ERICH3: variants seen among roughly 807,000 people sequenced by gnomAD.
ERICH3 encodes glutamate-rich protein 3.
Under a neutral mutation model 131.1 loss-of-function variants are expected in ERICH3, and 126 were observed. The ratio of observed to expected loss-of-function variants is 0.96; its 90% CI spans 0.83 to 1.11. ERICH3 has a LOEUF of 1.11. ERICH3 is among the 50% of genes most tolerant of loss of function. ERICH3 has a pLI of 0.00. For synonymous variants in ERICH3, 695 were observed against 644.6 expected (o/e 1.08, Z -1.18); for missense variants, 2,050 against 1,810.7 (o/e 1.13, Z -2.40).
In ERICH3 at chr1:74,599,760, G is replaced by T. The variant is rs1272013387; in HGVS notation, c.1661C>A (p.Ala554Asp). ...SETSSQKAPD[A>D]RDNVKDENDG... is the part of the protein sequence containing the mutation. ...ATTCTCATCTTTCACATTGTCACGG[G>T]CATCTGGTGCCTTCTGTGATGAGGT... The change falls in exon 11 of 15, where the codon GCC becomes GAC. Residue 554 changes from alanine to aspartate, a missense_variant. Transcript: ENST00000326665. The T allele has an allele frequency of 1.2e-6, 2 of 1,612,248 alleles. No homozygotes were observed. Among genetic ancestry groups the T allele is most frequent in the Non-Finnish European group, 1.7e-6 (2 of 1,178,924 alleles).
At chr1:74,591,428 G>A (rs1446200378) in intron 11 of ERICH3, among the ~76,000 whole-genome samples, 1 of 152,156 alleles carries the variant, frequency 6.6e-6, no homozygotes, top group African/African-American at 2.4e-5. Flanking sequence ...TCAGACATTA[G>A]CTATGGGCCA....
In ERICH3 at chr1:74,599,725, A is replaced by G; in HGVS notation, c.1696T>C (p.Ser566Pro). 1 of 1,611,706 alleles carries G rather than the reference A, an allele frequency of 6.2e-7. No homozygotes were observed. The highest frequency in any genetic ancestry group is 8.5e-7 in the Non-Finnish European group (1 of 1,178,706). ...TTATCCTCTTCCAGTTCACTCTCAG[A>G]GCATCCATCATTCTCATCTTTCACA... The part of the protein sequence containing the change: ...DNVKDENDGC[S>P]ESELEEDKQD... The change falls in exon 11 of 15, where the codon TCT (serine) becomes CCT (proline). Residue 566 changes from serine to proline, a missense_variant. Physicochemically the swap from Ser to Pro is moderately conservative, Grantham distance 74. Transcript: ENST00000326665.
intron 9 of ERICH3, among the ~76,000 whole-genome samples, chr1:74,610,909 C>T (rs944624942): frequency 1.3e-5 from 2 of 152,146 alleles, no homozygotes; most frequent in Admixed American, 1.3e-4. Flanking sequence ...TATTCCTTAA[C>T]CATTTTCTTT....
chr1:74,609,115 T>C (rs1648538694), intron 9 of ERICH3, among the ~76,000 whole-genome samples: 1 of 152,068 alleles, frequency 6.6e-6, no homozygotes, highest in Non-Finnish European at 1.5e-5. Context: ...GCATTCTACA[T>C]GGTTAGGCAA....
rs1426924961 is a variant in ERICH3, at chr1:74,646,915, C to CACAG, written c.118-124_118-123insCTGT. On this transcript the variant is annotated intron_variant, in intron 2 of 14. Transcript: ENST00000326665. ...ACACACACACACACACACACACACA[C>CACAG]AGAGAGAGAAAGAGAGAGAGAGAGG... The CACAG allele has an allele frequency of 7.6e-4, 190 of 251,052 alleles. 1 individual carries two copies. The highest frequency in any genetic ancestry group is 2.9e-3 in the African/African-American group (115 of 39,220). The allele number at this position is 251,052 out of a possible 1,614,324, so 15.6% of individuals were successfully genotyped here.
rs147867982 is a variant in ERICH3 at position 74,589,868 on chromosome 1, G to C, written c.1939C>G (p.Gln647Glu). The C allele has an allele frequency of 1.3e-3, 2,116 of 1,613,906 alleles. 7 individuals carry two copies. Among genetic ancestry groups the C allele is most frequent in the Non-Finnish European group, 1.7e-3 (1,952 of 1,179,938 alleles). ...EESLEIEIED[Q>E]EITKADVETK... ...TCCACATCTGCTTTTGTTATTTCTT[G>C]GTCTTCAATTTCAATTTCTAAGGAT... Residue 647 changes from glutamine to glutamate, a missense_variant, in exon 12 of 15, where the codon CAA becomes GAA. Physicochemically the swap from Gln to Glu is conservative, Grantham distance 29. Transcript: ENST00000326665.
intron 1 of ERICH3, among the ~76,000 whole-genome samples, chr1:74,667,648 A>G (rs1252625145): frequency 1.3e-5 from 2 of 152,156 alleles, no homozygotes; most frequent in Non-Finnish European, 2.9e-5. Context: ...CAGAAGTTTT[A>G]TTTTCCCATC....
chr1:74,572,949 C>A lies in ERICH3; in HGVS notation c.2761G>T (p.Ala921Ser). The change falls in exon 14 of 15, where the codon GCC (alanine) becomes TCC (serine). Residue 921 changes from alanine to serine, a missense_variant. Ala to Ser is a moderately conservative substitution (Grantham distance 99). Coordinates refer to ENST00000326665, the MANE Select transcript of ERICH3 (RefSeq NM_001002912.5). ...LNLEHLHEVA[A>S]LREAATSEEG... ...TCCGATGTCGCTGCCTCTCTCAGGG[C>A]TGCTACTTCATGAAGATGCTCCAAG... 1 of 1,614,098 alleles carries A rather than the reference C, an allele frequency of 6.2e-7. No individual in the cohort carries two copies. The highest frequency in any genetic ancestry group is 1.1e-5 in the South Asian group (1 of 91,076).
intron 1 of ERICH3, among the ~76,000 whole-genome samples, chr1:74,656,999 T>A (rs947587153): frequency 2.0e-5 from 3 of 152,172 alleles, no homozygotes; most frequent in Non-Finnish European, 2.9e-5. Flanking sequence ...CAGGATTTGT[T>A]GAGTAAGTGT....
At chr1:74,667,436 C>A (rs764282050) in intron 1 of ERICH3, among the ~76,000 whole-genome samples, 6 of 152,090 alleles carry the variant, frequency 3.9e-5, no homozygotes, top group Non-Finnish European at 5.9e-5. Context: ...AGGGGAAATT[C>A]CAATAATTCA....
intron 3 of ERICH3, 136 bp downstream of exon 3, chr1:74,646,531 G>A (rs1318149140): frequency 3.9e-6 from 2 of 515,066 alleles, no homozygotes; most frequent in East Asian, 8.0e-5. Context: ...TCTTTTTCTA[G>A]GTACAAAAGC....
intron 11 of ERICH3, among the ~76,000 whole-genome samples, chr1:74,592,398 T>C (rs904226870): frequency 2.6e-5 from 4 of 152,168 alleles, no homozygotes; most frequent in Admixed American, 1.3e-4. Flanking sequence ...CAGAGTCTTA[T>C]GTTTCTTCTT....
intron 3 of ERICH3, among the ~76,000 whole-genome samples, chr1:74,644,681 G>A (rs184276798): frequency 6.6e-5 from 10 of 151,940 alleles, no homozygotes; most frequent in Middle Eastern, 6.8e-3. Context: ...AGACAGCTGC[G>A]TCTCCCAGCA....
chr1:74,629,239 A>G (rs190726124), intron 7 of ERICH3, among the ~76,000 whole-genome samples: 29 of 152,230 alleles, frequency 1.9e-4, no homozygotes, highest in African/African-American at 6.7e-4. Flanking sequence ...AATTGAAAAA[A>G]AAAACCTCTC....
Position 74,572,202 on chromosome 1 carries a change from T to G in ERICH3, c.3508A>C (p.Ile1170Leu), listed in dbSNP as rs1198983215. The change falls in exon 14 of 15, where the codon ATA becomes CTA. Residue 1170 changes from isoleucine (I) to leucine (L), a missense_variant. Physicochemically the swap from Ile to Leu is conservative, Grantham distance 5 (BLOSUM62 2). Coordinates refer to ENST00000326665, the MANE Select transcript of ERICH3 (RefSeq NM_001002912.5). ...CCTCCTTCTTTCCTCAGAGCTGTTA[T>G]GTTTTCCAGCGACTTTTCAAATCCA... The part of the protein sequence containing the change: ...TPGFEKSLEN[I>L]TALRKEGGGE... 1.2e-6 allele frequency: 2 copies of G among 1,614,208 alleles called. No homozygotes were observed. The highest frequency in any genetic ancestry group is 1.7e-6 in the Non-Finnish European group (2 of 1,180,038).
chr1:74,634,343 A>G (rs925599238), intron 6 of ERICH3, among the ~76,000 whole-genome samples: 1 of 152,136 alleles, frequency 6.6e-6, no homozygotes, highest in Non-Finnish European at 1.5e-5. Context: ...TTACTAAATG[A>G]AAAGTGAGTT....
rs551985468 is a variant in ERICH3, at chr1:74,569,092, A to G, written c.*1366T>C. On this transcript the variant is annotated 3_prime_UTR_variant, in exon 15 of 15. Transcript: ENST00000326665. ...ATGATAATATGCCTGGTCCCTAGGG[A>G]CCTTGAGTGTAATGTGGCCAGCATG... 3.3e-5 allele frequency: 5 copies of G among 152,320 alleles called. 1 individual carries two copies. The highest frequency in any genetic ancestry group is 1.2e-4 in the African/African-American group (5 of 41,566). 9.4% of individuals were successfully genotyped at this position (152,320 alleles called of 1,614,324 possible).
chr1:74,651,857 A>C (rs988750887), intron 1 of ERICH3, among the ~76,000 whole-genome samples: 1 of 152,170 alleles, frequency 6.6e-6, no homozygotes, highest in Non-Finnish European at 1.5e-5. Context: ...CTTCTTTAAT[A>C]TTTAGATCCT....
intron 6 of ERICH3, among the ~76,000 whole-genome samples, chr1:74,633,410 G>GT (rs1236060212): frequency 6.6e-6 from 1 of 151,710 alleles, no homozygotes; most frequent in Non-Finnish European, 1.5e-5. Context: ...ATAAAAATAA[G>GT]TAAAAAATAA....
Sources: gnomAD v4.1 joint callset for allele counts (sites outside exome capture counted in the v4.1 genomes callset) on GRCh38, gnomAD v4.1.1 for gene constraint, MANE v1.5 for transcripts, NCBI Gene and HGNC (gene_info 2026-07-23, HGNC 2026-07-21) for gene names.